Variants in TUB observed in about 807,000 individuals in gnomAD.
TUB encodes tubby protein homolog.
TUB carries 33 observed loss-of-function variants against 59.7 expected under a neutral mutation model. The ratio of observed to expected loss-of-function variants is 0.55; its 90% confidence interval spans 0.42 to 0.74. TUB has a LOEUF of 0.74. Ranked by LOEUF, TUB falls within the 30% of genes least tolerant of loss-of-function variation. The probability of loss-of-function intolerance (pLI) is 0.00; values close to 1 mark genes in which losing one functional copy is unlikely to be tolerated. For synonymous variants in TUB, 293 were observed against 256.4 expected (o/e 1.14, Z -1.36); for missense variants, 659 against 672.0 (o/e 0.98, Z 0.21).
chr11:8,035,995 G>A (rs974391297), upstream of TUB: 1 of 152,252 alleles, frequency 6.6e-6, no homozygotes, highest in Non-Finnish European at 1.5e-5. Context: ...TCTGTCAGTA[G>A]GGGGGCACAC....
chr11:8,098,018 A>C (rs7483939), intron 8 of TUB, among the ~76,000 whole-genome samples, 192 bp downstream of exon 8: 151,881 of 152,226 alleles, frequency 1, 75,771 homozygotes, highest in Middle Eastern at 1. Context: ...GGAGATGGGA[A>C]TCACACACCC....
rs1362823113 is a variant in TUB, at chr11:8,100,612, A to G, written c.1215+11A>G. On this transcript the variant is annotated intron_variant, in intron 10 of 11. Coordinates refer to ENST00000299506, the MANE Select transcript of TUB (RefSeq NM_177972.3). ...ATCCGCCCCCGCAACGTGAGTGTCT[A>G]CCCCTTCCTCCCCTCTTTCCCCATC... is the stretch of plus-strand genomic sequence containing the variant. The G allele has an allele frequency of 2.5e-6, 4 of 1,611,224 alleles. No homozygotes were observed. The highest frequency in any genetic ancestry group is 3.4e-6 in the Non-Finnish European group (4 of 1,177,870).
At chr11:8,080,426 C>T (rs939570212), upstream of TUB, among the ~76,000 whole-genome samples, 1 of 152,202 alleles carries the variant, frequency 6.6e-6, no homozygotes, top group African/African-American at 2.4e-5. Flanking sequence ...ACCTCCTCAG[C>T]GCGCAGAGAC....
At chr11:8,085,375 C>T (rs954501491) in intron 1 of TUB, among the ~76,000 whole-genome samples, 1 of 152,238 alleles carries the variant, frequency 6.6e-6, no homozygotes, top group Non-Finnish European at 1.5e-5. Context: ...CATTTGGGAA[C>T]TGCTGGCTGG....
chr11:8,024,397 A>G (rs552679099), intron 1 of TUB, among the ~76,000 whole-genome samples: 1 of 152,086 alleles, frequency 6.6e-6, no homozygotes, highest in East Asian at 1.9e-4. Context: ...TCCCTGATGA[A>G]CTTCACTCCC....
intron 2 of TUB, among the ~76,000 whole-genome samples, chr11:8,069,759 C>T (rs374129912): frequency 6.6e-5 from 10 of 152,098 alleles, no homozygotes; most frequent in Non-Finnish European, 8.8e-5. Context: ...TAGGGGCAGA[C>T]GAGTAGCTTA....
chr11:8,066,735 TGTAATAA>T (rs2133787441), intron 2 of TUB, among the ~76,000 whole-genome samples: 1 of 152,136 alleles, frequency 6.6e-6, no homozygotes. Flanking sequence ...CTAGGAGAGG[TGTAATAA>T]CTGCGGGTGT....
chr11:8,019,288 G>A, exon 1 of TUB: 1 of 1,267,510 alleles, frequency 7.9e-7, no homozygotes, highest in Non-Finnish European at 9.9e-7. Flanking sequence ...GCCCCGAGCG[G>A]AGCCGGAGGC....
chr11:8,098,637 TG>T, intron 8 of TUB, 120 bp from the exon 9 acceptor site: 1 of 720,932 alleles, frequency 1.4e-6, no homozygotes, highest in Non-Finnish European at 2.4e-6. Flanking sequence ...TATGCCTCCC[TG>T]GGCCTGCTCC....
At chr11:8,024,817 T>C (rs1942478127) in intron 1 of TUB, among the ~76,000 whole-genome samples, 7 of 152,338 alleles carry the variant, frequency 4.6e-5, no homozygotes. Context: ...TGCATTGTTT[T>C]GCAATTATGT....
At chr11:8,082,518 G>A (rs191475822) in intron 1 of TUB, among the ~76,000 whole-genome samples, 1 of 152,326 alleles carries the variant, frequency 6.6e-6, no homozygotes, top group African/African-American at 2.4e-5. Flanking sequence ...CATGGGCTAC[G>A]GGGCTGTCTC....
At chr11:8,045,867 G>A (rs1379355265) in intron 2 of TUB, among the ~76,000 whole-genome samples, 6 of 152,158 alleles carry the variant, frequency 3.9e-5, no homozygotes, top group African/African-American at 1.4e-4. Flanking sequence ...CTGATCTGAT[G>A]TTCTGTGTAT....
chr11:8,030,104 G>A (rs556251479), intron 1 of TUB, among the ~76,000 whole-genome samples: 34 of 152,188 alleles, frequency 2.2e-4, no homozygotes, highest in African/African-American at 7.5e-4. Flanking sequence ...GAGGGGAGTC[G>A]GGTATGGAGG....
At position 8,101,797 on chromosome 11, in the gene TUB, C is replaced by A; in HGVS notation, c.*178C>A. ...GGCTCCTTTGCCTCTGCTACTGAGG[C>A]AGGGGAGTAGTGGAGAGCGGGTGGG... On this transcript the variant is annotated 3_prime_UTR_variant, in exon 12 of 12. Coordinates refer to ENST00000299506, the MANE Select transcript of TUB (RefSeq NM_177972.3). 3 of 1,145,256 alleles carry A rather than the reference C, an allele frequency of 2.6e-6. No homozygotes were observed. The highest frequency in any genetic ancestry group is 3.6e-6 in the Non-Finnish European group (3 of 836,550). The allele number at this position is 1,145,256 out of a possible 1,614,324, so 70.9% of individuals were successfully genotyped here. A position where few individuals can be genotyped will look rare whatever the true frequency, so the allele number is the denominator to read the frequency against.
At chr11:8,058,612 T>C (rs1943063043) in intron 2 of TUB, among the ~76,000 whole-genome samples, 1 of 152,258 alleles carries the variant, frequency 6.6e-6, no homozygotes, top group South Asian at 2.1e-4. Context: ...CAAAGATTTT[T>C]CCAGTATTCA....
chr11:8,049,571 A>ATATG (rs1942894341), intron 2 of TUB, among the ~76,000 whole-genome samples: 2 of 90,580 alleles, frequency 2.2e-5, no homozygotes, highest in Admixed American at 2.6e-4. Flanking sequence ...GTATATATAT[A>ATATG]TATATATATA....
intron 2 of TUB, among the ~76,000 whole-genome samples, chr11:8,066,917 A>G (rs1943254615): frequency 6.6e-6 from 1 of 152,132 alleles, no homozygotes; most frequent in Non-Finnish European, 1.5e-5. Flanking sequence ...TCCTCTGGAT[A>G]ACCTTTGCAG....
chr11:8,035,266 C>T (rs1392505343), upstream of TUB, among the ~76,000 whole-genome samples: 3 of 152,234 alleles, frequency 2.0e-5, no homozygotes, highest in Non-Finnish European at 2.9e-5. Flanking sequence ...CTTGTATTGG[C>T]CTCACTTGCC....
In TUB at chr11:8,101,063, G is replaced by A. The variant is rs952312400; in HGVS notation, c.1387+66G>A. ...CCCAAGGCCCTTAGCGTAGGGTTCA[G>A]CCCACCTAGCCCTGCCTACACTGGC... On this transcript the variant is annotated intron_variant, in intron 11 of 11. Transcript: ENST00000299506. 4 of 1,563,044 alleles carry A rather than the reference G, an allele frequency of 2.6e-6. No individual in the cohort carries two copies. The South Asian group carries it at 4.6e-5, about 18-fold the overall frequency.
Sources: allele counts gnomAD v4.1 joint callset (sites outside exome capture counted in the v4.1 genomes callset), GRCh38; gene constraint gnomAD v4.1.1; transcripts MANE v1.5; gene names NCBI Gene and HGNC (gene_info 2026-07-23, HGNC 2026-07-21).